Variants in SH3YL1 observed in about 807,000 individuals in gnomAD.
SH3YL1 encodes SH3 domain-containing YSC84-like protein 1.
In SH3YL1, 41 loss-of-function variants were observed where a neutral mutation model predicts 45.8. The observed-to-expected ratio is 0.89, with a 90% CI of 0.70 to 1.16. The LOEUF is 1.16. SH3YL1 is among the 50% of genes most tolerant of loss of function. The pLI is 0.00. For missense variants in SH3YL1, 389 were observed against 409.6 expected, an observed-to-expected ratio of 0.95 and a Z score of 0.43; for synonymous variants, 152 against 151.4, an observed-to-expected ratio of 1.00 and a Z score of -0.03.
intron 1 of SH3YL1, chr2:262,511 G>A: frequency 8.8e-7 from 1 of 1,138,314 alleles, no homozygotes; most frequent in Non-Finnish European, 1.2e-6. Context: ...TTCCACACAT[G>A]CCACACTGGT....
At chr2:229,112 A>G (rs540348108) in intron 8 of SH3YL1, among the ~76,000 whole-genome samples, 121 of 152,324 alleles carry the variant, frequency 7.9e-4, no homozygotes, top group African/African-American at 2.7e-3. Flanking sequence ...CCCTACTTCA[A>G]TGTATTCCTA....
chr2:238,060 G>A (rs1226864270), intron 4 of SH3YL1, among the ~76,000 whole-genome samples: 3 of 152,068 alleles, frequency 2.0e-5, no homozygotes, highest in Admixed American at 2.0e-4. Context: ...CCGGGCTGTT[G>A]TCCTGTCAGA....
chr2:253,242 T>A (rs2103052039), intron 1 of SH3YL1, 127 bp from the exon 2 acceptor site: 1 of 611,284 alleles, frequency 1.6e-6, no homozygotes, highest in East Asian at 2.9e-5. Context: ...CCATTTTGAA[T>A]AGGAGCTGGG....
chr2:247,073 ACATTAT>A (rs969396809), intron 4 of SH3YL1, among the ~76,000 whole-genome samples: 3 of 152,242 alleles, frequency 2.0e-5, no homozygotes, highest in African/African-American at 7.2e-5. Context: ...CCCAGGAGCA[ACATTAT>A]AAACTGAAAT....
intron 8 of SH3YL1, among the ~76,000 whole-genome samples, chr2:228,204 T>C (rs898976804): frequency 1.3e-5 from 2 of 152,132 alleles, no homozygotes; most frequent in African/African-American, 4.8e-5. Context: ...GGCTAACCTG[T>C]CCACCGGCAG....
rs1572151747 is a variant in SH3YL1, at chr2:233,304, C to T, written c.405-75G>A. The T allele has an allele frequency of 3.0e-6, 4 of 1,340,982 alleles. No homozygotes were observed. In the African/African-American group the frequency reaches 5.9e-5, roughly 20 times the overall value. 83.1% of individuals were successfully genotyped at this position (1,340,982 alleles called of 1,614,324 possible). A position where few individuals can be genotyped will look rare whatever the true frequency, so the allele number is the denominator to read the frequency against. ...GAGGATCACTATTTAAATAGCACTC[C>T]TTCTAGCTCAAATGAATTATTTTGT... On this transcript the variant is annotated intron_variant, in intron 5 of 9. Transcript: ENST00000356150.
At chr2:259,522 G>A (rs1669498412) in intron 1 of SH3YL1, 1 of 151,536 alleles carries the variant, frequency 6.6e-6, no homozygotes, top group East Asian at 1.9e-4. Context: ...TAATTTTGAA[G>A]TTCAAATGGG....
chr2:218,651 G>T lies in SH3YL1; in HGVS notation c.*160C>A. The T allele has an allele frequency of 1.7e-6, 1 of 601,236 alleles. No homozygotes were observed. 37.2% of individuals were successfully genotyped at this position (601,236 alleles called of 1,614,324 possible). On this transcript the variant is annotated 3_prime_UTR_variant, in exon 10 of 10. Coordinates refer to ENST00000356150, the MANE Select transcript of SH3YL1 (RefSeq NM_015677.4). ...AAAGTATTTAAAGATATGTCAGTCA[G>T]CTCTTTTTATATAGAAAAACAAAAT...
chr2:236,480 G>T (rs946733754), intron 4 of SH3YL1, among the ~76,000 whole-genome samples: 1 of 152,112 alleles, frequency 6.6e-6, no homozygotes, highest in African/African-American at 2.4e-5. Context: ...CTGGCATGGG[G>T]CTAAGAATTT....
At chr2:262,449 T>C (rs945620335) in intron 1 of SH3YL1, 1 of 481,326 alleles carries the variant, frequency 2.1e-6, no homozygotes, top group Non-Finnish European at 3.3e-6. Flanking sequence ...CCTTTATTTA[T>C]TCCTGCCCTT....
chr2:254,026 A>G (rs1317363752), intron 1 of SH3YL1, among the ~76,000 whole-genome samples: 2 of 152,208 alleles, frequency 1.3e-5, no homozygotes, highest in East Asian at 1.9e-4. Context: ...CCTGTTATGT[A>G]TCTTCTTCCT....
At chr2:231,254 T>C (rs1386506629) in intron 6 of SH3YL1, 63 bp from the exon 7 acceptor site, 8 of 1,278,412 alleles carry the variant, frequency 6.3e-6, no homozygotes, top group East Asian at 5.0e-5. Flanking sequence ...GAGTTAAACA[T>C]AGCATGTGCG....
In SH3YL1 at chr2:252,937, G is replaced by A. The variant is rs999453407; in HGVS notation, c.112+68C>T. On this transcript the variant is annotated intron_variant, in intron 2 of 9. Coordinates refer to ENST00000356150, the MANE Select transcript of SH3YL1 (RefSeq NM_015677.4). ...AGGCTTCTGCCTGAAATGGAGTGTC[G>A]AACAATGCAAAAAACAACTTAGGAA... 1.6e-5 allele frequency: 16 copies of A among 972,702 alleles called. No individual in the cohort carries two copies. In the Admixed American group the frequency reaches 1.8e-4, roughly 11 times the overall value. The allele number at this position is 972,702 out of a possible 1,614,324, so 60.3% of individuals were successfully genotyped here. A position where few individuals can be genotyped will look rare whatever the true frequency, so the allele number is the denominator to read the frequency against.
chr2:225,099 T>C (rs1273121614), intron 8 of SH3YL1, among the ~76,000 whole-genome samples, 179 bp from the exon 9 acceptor site: 1 of 152,220 alleles, frequency 6.6e-6, no homozygotes, highest in African/African-American at 2.4e-5. Context: ...AGCCAGAAGA[T>C]ACATGAAGTA....
rs35468551 is a variant in SH3YL1 at position 242,732 on chromosome 2, T to TAACAACAACAAC, written c.291+4794_291+4805dup. The TAACAACAACAAC allele has an allele frequency of 5.0e-6, 7 of 1,403,642 alleles. No homozygotes were observed. In the South Asian group the frequency reaches 1.1e-4, roughly 22 times the overall value. The allele number at this position is 1,403,642 out of a possible 1,614,324, so 86.9% of individuals were successfully genotyped here. A position where few individuals can be genotyped will look rare whatever the true frequency, so the allele number is the denominator to read the frequency against. On this transcript the variant is annotated intron_variant, in intron 4 of 9. Transcript: ENST00000356150. ...ATTATTAGCATGGATAAAACAACAA[T>TAACAACAACAAC]AACAACAACAACAACAACATCCAAT...
chr2:230,286 T>A (rs1667979233), intron 7 of SH3YL1: 1 of 328,898 alleles, frequency 3.0e-6, no homozygotes, highest in Non-Finnish European at 5.6e-6. Context: ...CAGGCACCTC[T>A]GACCACCTGT....
intron 6 of SH3YL1, chr2:232,883 T>C: frequency 3.2e-6 from 1 of 314,260 alleles, no homozygotes; most frequent in East Asian, 5.7e-5. Flanking sequence ...GTGTTAGTCT[T>C]TTAAAGGGAT....
chr2:233,765 G>A (rs574895975), intron 5 of SH3YL1, among the ~76,000 whole-genome samples: 2 of 151,970 alleles, frequency 1.3e-5, no homozygotes. Flanking sequence ...CTGTAAACAC[G>A]GCTCAAAAAA....
intron 6 of SH3YL1, among the ~76,000 whole-genome samples, chr2:232,658 G>C (rs1012819746): frequency 1.3e-5 from 2 of 148,818 alleles, no homozygotes; most frequent in Non-Finnish European, 3.0e-5. Flanking sequence ...TGTTCTCATT[G>C]TTCAATTCCC....
Sources: allele counts gnomAD v4.1 joint callset (sites outside exome capture counted in the v4.1 genomes callset), GRCh38; gene constraint gnomAD v4.1.1; transcripts MANE v1.5; gene names NCBI Gene and HGNC (gene_info 2026-07-23, HGNC 2026-07-21).